GRIP1: variants seen among roughly 807,000 people sequenced by gnomAD.
GRIP1 encodes glutamate receptor-interacting protein 1.
GRIP1 carries 45 observed loss-of-function variants against 129.9 expected under a neutral mutation model. The observed-to-expected ratio is 0.35, with a 90% CI of 0.27 to 0.44. The LOEUF is 0.44. GRIP1 is among the 20% of genes least tolerant of loss of function. GRIP1 has a pLI of 1.00. For synonymous variants in GRIP1, 530 were observed against 520.8 expected, an observed-to-expected ratio of 1.02 and a Z score of -0.24; for missense variants, 1,196 against 1,396.8, an observed-to-expected ratio of 0.86 and a Z score of 2.29.
upstream of GRIP1, chr12:66,679,242 C>T (rs1355710047): frequency 2.6e-6 from 2 of 781,234 alleles, no homozygotes; most frequent in Non-Finnish European, 1.8e-6. Flanking sequence ...ATAAATCTAA[C>T]GCTAAGCACT....
At chr12:67,052,737 G>T (rs1028120361) in intron 1 of GRIP1, among the ~76,000 whole-genome samples, 1 of 127,416 alleles carries the variant, frequency 7.8e-6, no homozygotes, top group African/African-American at 2.9e-5. Flanking sequence ...TCCAGCGTGG[G>T]TAACAGAGCA....
chr12:66,583,500 C>T (rs1416935347), intron 2 of GRIP1, among the ~76,000 whole-genome samples: 1 of 127,384 alleles, frequency 7.9e-6, no homozygotes, highest in Non-Finnish European at 1.7e-5. Flanking sequence ...ATTTTCGCAA[C>T]CTACTCATCT....
chr12:66,465,348 G>A lies in GRIP1; in HGVS notation c.799C>T (p.Leu267=), dbSNP rs780565824. 1 of 1,613,896 alleles carries A rather than the reference G, an allele frequency of 6.2e-7. No homozygotes were observed. The highest frequency in any genetic ancestry group is 8.5e-7 in the Non-Finnish European group (1 of 1,179,780). Residue 267 remains leucine (L), a synonymous_variant, in exon 8 of 25, where the codon CTA becomes TTA. Coordinates refer to ENST00000359742, the MANE Select transcript of GRIP1 (RefSeq NM_001366722.1). ...TTGTTACAGCACATCGAGGTAGTTA[G>A]GGCAACCCCAAGGCTGGCACCAGGA... ...KTPGASLGVA[L]TTSMCCNKQV...
intron 9 of GRIP1, 102 bp downstream of exon 9, chr12:66,462,822 A>T: frequency 1.4e-6 from 1 of 702,874 alleles, no homozygotes. Flanking sequence ...AAAAAAAAAA[A>T]AGGCAGAATG....
intron 1 of GRIP1, among the ~76,000 whole-genome samples, chr12:66,830,737 T>TA (rs2137015760): frequency 6.6e-6 from 1 of 152,140 alleles, no homozygotes; most frequent in African/African-American, 2.4e-5. Flanking sequence ...ACAGGGAAGT[T>TA]AAATAACTTG....
intron 1 of GRIP1, among the ~76,000 whole-genome samples, chr12:66,784,971 A>G (rs2038274689): frequency 6.6e-6 from 1 of 152,142 alleles, no homozygotes; most frequent in Non-Finnish European, 1.5e-5. Context: ...CCCAGAGTAC[A>G]GTAGGACTAC....
At chr12:66,456,047 C>T (rs1019180784) in intron 10 of GRIP1, 140 bp downstream of exon 10, 16 of 444,238 alleles carry the variant, frequency 3.6e-5, no homozygotes, top group Non-Finnish European at 6.5e-5. Flanking sequence ...AGAAAAAAAC[C>T]TAGGAGATGT....
In GRIP1 at chr12:66,701,255, T is replaced by C. The variant is rs185800305; in HGVS notation, c.-419-70919A>G. Among the ~76,000 whole-genome samples the C allele has an allele frequency of 3.2e-3, 481 of 152,310 alleles. 3 individuals carry two copies. Among genetic ancestry groups the C allele is most frequent in the African/African-American group, 0.011 (456 of 41,570 alleles). On this transcript the variant is annotated intron_variant, in intron 1 of 4. Transcript: ENST00000538373. ...TCACCTTACCCCTTCCTCCTCTTCATAGCTGCCTCTTAGCCATTGCTTACT... is the reference window on the plus strand; with the variant it reads ...TCACCTTACCCCTTCCTCCTCTTCACAGCTGCCTCTTAGCCATTGCTTACT...
At chr12:66,382,793 T>C (rs1207067315) in intron 19 of GRIP1, among the ~76,000 whole-genome samples, 3 of 152,176 alleles carry the variant, frequency 2.0e-5, no homozygotes, top group African/African-American at 7.2e-5. Context: ...TTGTTTGGTA[T>C]ATGTATAGGA....
chr12:66,756,899 C>T (rs904418186), intron 1 of GRIP1, among the ~76,000 whole-genome samples: 3 of 152,126 alleles, frequency 2.0e-5, no homozygotes, highest in Admixed American at 2.0e-4. Flanking sequence ...TAGATAACCG[C>T]CACTATCTCA....
At chr12:66,748,003 T>C (rs1431311682) in intron 1 of GRIP1, among the ~76,000 whole-genome samples, 1 of 152,100 alleles carries the variant, frequency 6.6e-6, no homozygotes, top group Non-Finnish European at 1.5e-5. Flanking sequence ...TATTTGTTTA[T>C]TGTCAGTGTG....
chr12:67,038,328 G>A (rs2043128941), intron 1 of GRIP1, among the ~76,000 whole-genome samples: 1 of 152,062 alleles, frequency 6.6e-6, no homozygotes, highest in South Asian at 2.1e-4. Flanking sequence ...CATTCCACAA[G>A]GTATCTCTGA....
chr12:66,833,417 T>C (rs1297314505), intron 1 of GRIP1, among the ~76,000 whole-genome samples: 1 of 150,642 alleles, frequency 6.6e-6, no homozygotes, highest in Non-Finnish European at 1.5e-5. Context: ...CCAGGTCTCC[T>C]CACATTACTC....
chr12:66,613,709 G>A (rs1192838144), intron 1 of GRIP1, among the ~76,000 whole-genome samples: 1 of 152,122 alleles, frequency 6.6e-6, no homozygotes, highest in Non-Finnish European at 1.5e-5. Context: ...CTCCCAGCTA[G>A]GAAGAGAGTT....
chr12:66,538,904 G>A (rs916502014), intron 4 of GRIP1, among the ~76,000 whole-genome samples, 174 bp downstream of exon 4: 1 of 152,142 alleles, frequency 6.6e-6, no homozygotes, highest in African/African-American at 2.4e-5. Flanking sequence ...CGCCCAGCCA[G>A]TTATTGTTGT....
chr12:66,562,565 C>T (rs2062575164), intron 2 of GRIP1, among the ~76,000 whole-genome samples: 1 of 152,100 alleles, frequency 6.6e-6, no homozygotes, highest in Non-Finnish European at 1.5e-5. Context: ...GCAGGTGAGA[C>T]CGTAACATTT....
chr12:66,366,704 G>A (rs2055168815), intron 23 of GRIP1, among the ~76,000 whole-genome samples: 1 of 152,178 alleles, frequency 6.6e-6, no homozygotes, highest in South Asian at 2.1e-4. Context: ...TTTTTAAAGA[G>A]AGGGAGTCTT....
intron 1 of GRIP1, among the ~76,000 whole-genome samples, chr12:66,631,928 T>A (rs2030835673): frequency 6.6e-6 from 1 of 152,216 alleles, no homozygotes; most frequent in Non-Finnish European, 1.5e-5. Flanking sequence ...TAGGTATTTC[T>A]TCCTACACAA....
intron 1 of GRIP1, among the ~76,000 whole-genome samples, chr12:66,774,547 A>C (rs1232274886): frequency 6.6e-6 from 1 of 152,228 alleles, no homozygotes; most frequent in African/African-American, 2.4e-5. Flanking sequence ...GCACAGGCCT[A>C]AGCAAGTGGG....
Sources: allele counts gnomAD v4.1 joint callset (sites outside exome capture counted in the v4.1 genomes callset), GRCh38; gene constraint gnomAD v4.1.1; transcripts MANE v1.5; gene names NCBI Gene and HGNC (gene_info 2026-07-23, HGNC 2026-07-21).